ITSN2: variants seen among roughly 807,000 people sequenced by gnomAD.
ITSN2 encodes intersectin-2.
ITSN2 carries 156 observed loss-of-function variants against 243.7 expected under a neutral mutation model. The ratio of observed to expected loss-of-function variants is 0.64; its 90% CI spans 0.56 to 0.73. The LOEUF is 0.73. Among genes scored for constraint, ITSN2 ranks in the 30% least tolerant of loss-of-function variants. The pLI, the probability that ITSN2 is intolerant of heterozygous loss-of-function variation, is 0.00. For synonymous variants in ITSN2, 703 were observed against 699.9 expected, an observed-to-expected ratio of 1.00 and a Z score of -0.07; for missense variants, 1,801 against 1,996.1, an observed-to-expected ratio of 0.90 and a Z score of 1.86.
At chr2:24,303,602 CT>C (rs1011611992) in intron 9 of ITSN2, among the ~76,000 whole-genome samples, 196 bp downstream of exon 9, 4 of 152,276 alleles carry the variant, frequency 2.6e-5, no homozygotes, top group African/African-American at 9.6e-5. Context: ...TTTGGTGTAG[CT>C]TAAGGGTACA....
Position 24,203,621 on chromosome 2 carries a change from A to G in ITSN2, c.*5T>C. ...CTGTCCCGCTGGTGCTGTCCTTTAG[A>G]ACCCCTACAGGAGAGTTTTTTGCTC... On this transcript the variant is annotated 3_prime_UTR_variant, in exon 40 of 40. Coordinates refer to ENST00000355123, the MANE Select transcript of ITSN2 (RefSeq NM_006277.3). The G allele has an allele frequency of 6.2e-7, 1 of 1,612,612 alleles. No individual in the cohort carries two copies. Among genetic ancestry groups the G allele is most frequent in the African/African-American group, 1.3e-5 (1 of 74,982 alleles).
chr2:24,336,048 T>C (rs953206153), intron 1 of ITSN2, among the ~76,000 whole-genome samples: 5 of 151,498 alleles, frequency 3.3e-5, no homozygotes, highest in South Asian at 2.1e-4. Context: ...GAGACCATCC[T>C]GGCTAACATG....
At chr2:24,357,500 T>G (rs1018710348) in intron 1 of ITSN2, among the ~76,000 whole-genome samples, 1 of 152,000 alleles carries the variant, frequency 6.6e-6, no homozygotes, top group African/African-American at 2.4e-5. Context: ...GAAGGGGACT[T>G]AGAGGACGGG....
chr2:24,265,089 C>G (rs1375307099), intron 20 of ITSN2, among the ~76,000 whole-genome samples: 1 of 152,128 alleles, frequency 6.6e-6, no homozygotes, highest in Admixed American at 6.5e-5. Context: ...CAGCACCTGG[C>G]TGCCTGTTAA....
At chr2:24,276,253 T>C (rs1678001122) in intron 17 of ITSN2, among the ~76,000 whole-genome samples, 1 of 152,222 alleles carries the variant, frequency 6.6e-6, no homozygotes, top group African/African-American at 2.4e-5. Flanking sequence ...GTTATTTTTA[T>C]CCAATATCAT....
At chr2:24,348,190 A>ATTTT (rs67272042) in intron 1 of ITSN2, among the ~76,000 whole-genome samples, 1 of 97,782 alleles carries the variant, frequency 1.0e-5, no homozygotes, top group African/African-American at 3.7e-5. Flanking sequence ...AAATACTATG[A>ATTTT]TTTTTTTTTT....
intron 30 of ITSN2, chr2:24,220,219 G>T (rs2151143406): frequency 1.9e-6 from 1 of 523,084 alleles, no homozygotes; most frequent in Non-Finnish European, 2.5e-6. Context: ...GTGTGTGGGG[G>T]TAGGGGACGC....
At chr2:24,308,533 A>T in intron 8 of ITSN2, 84 bp downstream of exon 8, 1 of 868,024 alleles carries the variant, frequency 1.2e-6, no homozygotes, top group Non-Finnish European at 1.6e-6. Context: ...TGAGCTACAC[A>T]ATACAAATTC....
chr2:24,353,910 C>A lies in ITSN2; in HGVS notation c.-34+6394G>T, dbSNP rs544357533. Among the ~76,000 whole-genome samples, 59 of 152,182 alleles carry A rather than the reference C, an allele frequency of 3.9e-4. No individual in the cohort carries two copies. The South Asian group carries it at 7.5e-3, about 19-fold the overall frequency. On this transcript the variant is annotated intron_variant, in intron 1 of 39. Transcript: ENST00000355123. ...TATACTAAGCCAAGTATCATGCTTC[C>A]ACTTAAAATCAAATTCATATGATAT...
At chr2:24,223,946 C>T (rs986755606) in intron 29 of ITSN2, among the ~76,000 whole-genome samples, 9 of 151,936 alleles carry the variant, frequency 5.9e-5, no homozygotes, top group African/African-American at 2.2e-4. Flanking sequence ...AAAATTGTTA[C>T]GCTTTTAGGG....
At chr2:24,270,009 A>G (rs1292040439) in intron 20 of ITSN2, among the ~76,000 whole-genome samples, 1 of 152,174 alleles carries the variant, frequency 6.6e-6, no homozygotes, top group African/African-American at 2.4e-5. Flanking sequence ...TTTTTTCCCT[A>G]GTATCATTAA....
At chr2:24,246,684 A>G in intron 28 of ITSN2, 113 bp downstream of exon 28, 1 of 693,640 alleles carries the variant, frequency 1.4e-6, no homozygotes, top group Non-Finnish European at 2.4e-6. Flanking sequence ...TTTTAAGCAG[A>G]CATAAGGAAA....
rs1437881071 is a variant in ITSN2, at chr2:24,295,657, G to A, written c.1635+7C>T. 1.3e-6 allele frequency: 2 copies of A among 1,525,050 alleles called. No homozygotes were observed. Among genetic ancestry groups the A allele is most frequent in the African/African-American group, 2.9e-5 (2 of 68,940 alleles). The allele number at this position is 1,525,050 out of a possible 1,614,324, so 94.5% of individuals were successfully genotyped here. A position where few individuals can be genotyped will look rare whatever the true frequency, so the allele number is the denominator to read the frequency against. ...GTTTAAGAACAATTTAGCAGTGAAG[G>A]ACTTACCTGAAGTTCCTGTTGAAGT... On this transcript the variant is annotated splice_region_variant and intron_variant, in intron 14 of 39. Coordinates refer to ENST00000355123, the MANE Select transcript of ITSN2 (RefSeq NM_006277.3).
chr2:24,268,174 T>A (rs974764402), intron 20 of ITSN2, among the ~76,000 whole-genome samples: 1 of 152,194 alleles, frequency 6.6e-6, no homozygotes, highest in South Asian at 2.1e-4. Context: ...ACATTTCAGC[T>A]TGTCATCGAA....
chr2:24,356,779 T>C (rs574989166), intron 1 of ITSN2, among the ~76,000 whole-genome samples: 15 of 152,182 alleles, frequency 9.9e-5, no homozygotes, highest in African/African-American at 3.4e-4. Flanking sequence ...GGCAGGCGTC[T>C]GTAATCCCAG....
At chr2:24,215,331 G>A (rs945749888) in intron 32 of ITSN2, among the ~76,000 whole-genome samples, 1 of 152,096 alleles carries the variant, frequency 6.6e-6, no homozygotes, top group Admixed American at 6.5e-5. Flanking sequence ...TATTCATCTA[G>A]TTATTTTAAA....
chr2:24,316,823 C>G (rs1026585084), intron 2 of ITSN2, among the ~76,000 whole-genome samples: 4 of 152,162 alleles, frequency 2.6e-5, no homozygotes, highest in Non-Finnish European at 5.9e-5. Flanking sequence ...GTAGTGAAGA[C>G]AGCACAAGGC....
chr2:24,281,056 T>C (rs1678711065), intron 17 of ITSN2, among the ~76,000 whole-genome samples: 1 of 152,186 alleles, frequency 6.6e-6, no homozygotes, highest in Non-Finnish European at 1.5e-5. Flanking sequence ...GAGACAGAGT[T>C]TTGCTCTTGT....
intron 2 of ITSN2, among the ~76,000 whole-genome samples, chr2:24,322,952 C>T (rs534732426): frequency 3.3e-4 from 50 of 151,822 alleles, no homozygotes; most frequent in African/African-American, 8.2e-4. Flanking sequence ...CAAATAAGCA[C>T]GTGACAAGAT....
Sources: gnomAD v4.1 joint callset for allele counts (sites outside exome capture counted in the v4.1 genomes callset) on GRCh38, gnomAD v4.1.1 for gene constraint, MANE v1.5 for transcripts, NCBI Gene and HGNC (gene_info 2026-07-23, HGNC 2026-07-21) for gene names.